ASTN2: variants seen among roughly 807,000 people sequenced by gnomAD.
The protein encoded by ASTN2 is astrotactin-2.
Under a neutral mutation model 139.8 loss-of-function variants are expected in ASTN2, and 54 were observed. That is an observed-to-expected ratio of 0.39 (90% CI 0.31 to 0.48). ASTN2 has a LOEUF of 0.48. Ranked by LOEUF, ASTN2 falls within the 20% of genes least tolerant of loss-of-function variation. The pLI is 0.95. For missense variants in ASTN2, 1,565 were observed against 1,725.1 expected, an observed-to-expected ratio of 0.91 and a Z score of 1.64; for synonymous variants, 756 against 719.5, an observed-to-expected ratio of 1.05 and a Z score of -0.81.
chr9:116,809,877 G>A (rs1308927600), intron 12 of ASTN2, among the ~76,000 whole-genome samples: 2 of 152,080 alleles, frequency 1.3e-5, no homozygotes, highest in Non-Finnish European at 2.9e-5. Flanking sequence ...GGGCTGAAGG[G>A]GCCATGTAAC....
chr9:117,195,155 T>C (rs1311241474), intron 3 of ASTN2, among the ~76,000 whole-genome samples: 2 of 151,930 alleles, frequency 1.3e-5, no homozygotes, highest in African/African-American at 4.8e-5. Context: ...CAAGAACAAA[T>C]AGTAAAGTTG....
At chr9:116,509,826 G>A (rs558215704) in intron 19 of ASTN2, among the ~76,000 whole-genome samples, 1 of 152,196 alleles carries the variant, frequency 6.6e-6, no homozygotes, top group South Asian at 2.1e-4. Context: ...AGTGTCTGTT[G>A]ATGTCCTTTG....
Position 116,425,553 on chromosome 9 carries a change from T to C in ASTN2, c.*298A>G, listed in dbSNP as rs1022320848. 17 of 1,612,518 alleles carry C rather than the reference T, an allele frequency of 1.1e-5. No homozygotes were observed. The highest frequency in any genetic ancestry group is 1.6e-4 in the Middle Eastern group (1 of 6,078). Reference sequence around the variant, plus strand: ...GCCGCTTGGTCTCCACCTGAAAACTTCTGCCTCGGGATTGACAGCCATCCA... The same window carrying C: ...GCCGCTTGGTCTCCACCTGAAAACTCCTGCCTCGGGATTGACAGCCATCCA... On this transcript the variant is annotated 3_prime_UTR_variant, in exon 23 of 23. Coordinates refer to ENST00000313400, the MANE Select transcript of ASTN2 (RefSeq NM_001365068.1).
intron 5 of ASTN2, among the ~76,000 whole-genome samples, chr9:117,094,751 G>T (rs1440361666): frequency 1.3e-5 from 2 of 152,170 alleles, no homozygotes; most frequent in Non-Finnish European, 2.9e-5. Flanking sequence ...ACAACAGTGA[G>T]AACTGAACTG....
chr9:116,679,723 T>A (rs1049769451), intron 16 of ASTN2, among the ~76,000 whole-genome samples: 1 of 152,106 alleles, frequency 6.6e-6, no homozygotes. Context: ...AGAAACTCAC[T>A]CAAAACCGCT....
chr9:116,544,708 C>A (rs1308631771), intron 19 of ASTN2, among the ~76,000 whole-genome samples: 1 of 152,146 alleles, frequency 6.6e-6, no homozygotes, highest in African/African-American at 2.4e-5. Flanking sequence ...CCAAAGGTCA[C>A]ACTTTGGATT....
chr9:116,660,445 T>G (rs1166102216), intron 16 of ASTN2, among the ~76,000 whole-genome samples: 1 of 152,184 alleles, frequency 6.6e-6, no homozygotes, highest in African/African-American at 2.4e-5. Flanking sequence ...GACCTTAACC[T>G]CTCTAAGCCT....
chr9:116,502,193 C>T (rs930866439), intron 19 of ASTN2, among the ~76,000 whole-genome samples: 1 of 150,638 alleles, frequency 6.6e-6, no homozygotes, highest in Non-Finnish European at 1.5e-5. Flanking sequence ...GAGAGAGAGA[C>T]AGAGAGACAG....
intron 19 of ASTN2, among the ~76,000 whole-genome samples, chr9:116,570,265 T>G (rs1202337995): frequency 3.3e-5 from 5 of 152,240 alleles, no homozygotes; most frequent in Non-Finnish European, 7.3e-5. Flanking sequence ...GCCCCTTCTT[T>G]CCTTATCAAT....
At chr9:117,405,000 G>C (rs1281981662) in intron 1 of ASTN2, among the ~76,000 whole-genome samples, 1 of 152,154 alleles carries the variant, frequency 6.6e-6, no homozygotes, top group Non-Finnish European at 1.5e-5. Context: ...CATCTGGAGA[G>C]TATGAGACAA....
intron 20 of ASTN2, among the ~76,000 whole-genome samples, chr9:116,477,304 T>A (rs1849012693): frequency 6.6e-6 from 1 of 152,112 alleles, no homozygotes. Flanking sequence ...AGGCCCCAAC[T>A]GTGCACTTTG....
intron 19 of ASTN2, among the ~76,000 whole-genome samples, chr9:116,509,211 A>G (rs566189360): frequency 1.3e-5 from 2 of 152,116 alleles, no homozygotes; most frequent in African/African-American, 4.8e-5. Context: ...TCCTGTGCCC[A>G]AGTGTTCTCA....
chr9:117,320,690 G>A (rs1194144620), intron 1 of ASTN2, among the ~76,000 whole-genome samples: 1 of 152,076 alleles, frequency 6.6e-6, no homozygotes, highest in African/African-American at 2.4e-5. Flanking sequence ...GAGCATTCAC[G>A]GACTCTGAGC....
chr9:116,868,065 C>T (rs1217542737), intron 10 of ASTN2, among the ~76,000 whole-genome samples: 4 of 152,128 alleles, frequency 2.6e-5, no homozygotes, highest in African/African-American at 7.2e-5. Context: ...CGGAGGCAGG[C>T]TGGACTGAGA....
intron 3 of ASTN2, among the ~76,000 whole-genome samples, chr9:117,171,186 T>C (rs1324739045): frequency 1.1e-5 from 1 of 92,516 alleles, no homozygotes; most frequent in Non-Finnish European, 2.5e-5. Context: ...AAAGAAAAAA[T>C]ATTACGAGGA....
chr9:116,714,103 T>C (rs1828245571), intron 16 of ASTN2, among the ~76,000 whole-genome samples: 1 of 152,210 alleles, frequency 6.6e-6, no homozygotes, highest in Non-Finnish European at 1.5e-5. Flanking sequence ...TCACCTTCTC[T>C]TCCAACACAC....
At chr9:116,890,725 C>T (rs1445248820) in intron 10 of ASTN2, among the ~76,000 whole-genome samples, 1 of 152,064 alleles carries the variant, frequency 6.6e-6, no homozygotes, top group African/African-American at 2.4e-5. Flanking sequence ...GTTTAAAGCT[C>T]CCCAGGGTGG....
chr9:116,973,109 T>A (rs1836254405), intron 10 of ASTN2, among the ~76,000 whole-genome samples: 1 of 152,230 alleles, frequency 6.6e-6, no homozygotes, highest in Admixed American at 6.5e-5. Flanking sequence ...GATTGCAATC[T>A]TTTATCCCCT....
chr9:117,340,271 G>A (rs1054833614), intron 1 of ASTN2, among the ~76,000 whole-genome samples: 2 of 132,742 alleles, frequency 1.5e-5, no homozygotes, highest in African/African-American at 5.6e-5. Flanking sequence ...GGCGGAGGTT[G>A]TAGTGAGCCA....
Sources: gnomAD v4.1 joint callset for allele counts (sites outside exome capture counted in the v4.1 genomes callset) on GRCh38, gnomAD v4.1.1 for gene constraint, MANE v1.5 for transcripts, NCBI Gene and HGNC (gene_info 2026-07-23, HGNC 2026-07-21) for gene names.